Variants in NCAPG2 observed in about 807,000 individuals in gnomAD.
NCAPG2 encodes non-SMC condensin II complex subunit G2, also known as condensin-2 complex subunit G2.
A neutral mutation model predicts 141.1 loss-of-function variants in NCAPG2; 53 were observed. The ratio of observed to expected loss-of-function variants is 0.38; its 90% CI spans 0.30 to 0.47. The LOEUF (loss-of-function observed/expected upper bound fraction) is 0.47, where lower values mean the gene tolerates loss of function less well. Among genes scored for constraint, NCAPG2 ranks in the 20% least tolerant of loss-of-function variants. NCAPG2 has a pLI of 0.99. For synonymous variants in NCAPG2, 499 were observed against 490.7 expected (o/e 1.02, Z -0.22); for missense variants, 1,087 against 1,389.0 (o/e 0.78, Z 3.46).
rs1191912558 is a variant in NCAPG2 at position 158,667,372 on chromosome 7, G to GC, written c.1480-2623dup. The GC allele has an allele frequency of 1.1e-4, 9 of 83,050 alleles. 1 individual carries two copies. The highest frequency in any genetic ancestry group is 3.1e-4 in the African/African-American group (1 of 3,256). The allele number at this position is 83,050 out of a possible 1,614,324, so 5.1% of individuals were successfully genotyped here. On this transcript the variant is annotated intron_variant, in intron 13 of 27. Transcript: ENST00000356309. ...TCCTTAGCCACTACCGGATCCCTCC[G>GC]CCCCCCCTTACCCACTACTGGGTCC... is the stretch of plus-strand genomic sequence containing the variant.
At chr7:158,679,864 C>T (rs1420825066) in intron 11 of NCAPG2, 96 bp downstream of exon 11, 14 of 1,449,508 alleles carry the variant, frequency 9.7e-6, no homozygotes, top group South Asian at 2.9e-5. Flanking sequence ...AGAGCTCTGG[C>T]GGTTACAGGG....
chr7:158,664,879 A>T, intron 13 of NCAPG2, 129 bp from the exon 14 acceptor site: 4 of 692,760 alleles, frequency 5.8e-6, no homozygotes, highest in Non-Finnish European at 7.2e-6. Context: ...TTCACTTCGA[A>T]TGACTACACC....
At chr7:158,665,164 A>G (rs1832819962) in intron 13 of NCAPG2, 1 of 174,182 alleles carries the variant, frequency 5.7e-6, no homozygotes, top group African/African-American at 2.4e-5. Flanking sequence ...CTCCTATCTA[A>G]GAGGCTGGGG....
intron 22 of NCAPG2, among the ~76,000 whole-genome samples, chr7:158,653,988 G>A (rs1169856789): frequency 1.3e-5 from 2 of 152,122 alleles, no homozygotes; most frequent in Admixed American, 6.6e-5. Context: ...CAGGGGCCAG[G>A]GACCAGGGTC....
intron 25 of NCAPG2, 46 bp downstream of exon 25, chr7:158,646,414 T>TA (rs1554550869): frequency 5.6e-6 from 8 of 1,437,064 alleles, no homozygotes; most frequent in Non-Finnish European, 7.7e-6. Context: ...GCTGAGCGCT[T>TA]ACAGCCACGA....
intron 8 of NCAPG2, among the ~76,000 whole-genome samples, chr7:158,684,077 T>C (rs1405705613): frequency 1.3e-5 from 2 of 152,228 alleles, no homozygotes; most frequent in African/African-American, 4.8e-5. Context: ...TTAATACTAA[T>C]ACAAACCAGA....
intron 11 of NCAPG2, among the ~76,000 whole-genome samples, chr7:158,679,582 T>C (rs865993450): frequency 1.3e-5 from 2 of 152,178 alleles, no homozygotes; most frequent in African/African-American, 2.4e-5. Context: ...CAAAGCCACA[T>C]ACCTATTAAG....
In NCAPG2 at chr7:158,645,610, C is replaced by T; in HGVS notation, c.3189G>A (p.Leu1063=). 4.3e-6 allele frequency: 7 copies of T among 1,613,870 alleles called. No homozygotes were observed. Among genetic ancestry groups the T allele is most frequent in the Non-Finnish European group, 5.9e-6 (7 of 1,179,844 alleles). The change falls in exon 26 of 28, where the codon TTG becomes TTA. Residue 1063 remains leucine, a synonymous_variant. Transcript: ENST00000356309. ...AAGCCACACATGCCTTTAATTCATC[C>T]AAAAATGACCTGCAAAAAAATCAAC... ...IKSSNVVRSF[L]DELKACVASN...
intron 13 of NCAPG2, among the ~76,000 whole-genome samples, chr7:158,667,717 C>T (rs1402371096): frequency 1.2e-4 from 3 of 25,728 alleles, no homozygotes; most frequent in Non-Finnish European, 1.5e-4. Flanking sequence ...TGGGTCCCTC[C>T]GCCCTCCTTA....
intron 2 of NCAPG2, among the ~76,000 whole-genome samples, chr7:158,697,548 C>T (rs1835527509): frequency 6.6e-6 from 1 of 151,490 alleles, no homozygotes; most frequent in African/African-American, 2.4e-5. Flanking sequence ...TTGCAGTGAG[C>T]CAAGACGACG....
intron 27 of NCAPG2, among the ~76,000 whole-genome samples, chr7:158,639,094 G>A (rs934705836): frequency 2.0e-4 from 31 of 151,962 alleles, no homozygotes; most frequent in Admixed American, 1.8e-3. Context: ...TGTATTCCTC[G>A]ATTTAGGTGG....
At chr7:158,684,215 C>T (rs1005633188) in intron 8 of NCAPG2, among the ~76,000 whole-genome samples, 3 of 152,360 alleles carry the variant, frequency 2.0e-5, no homozygotes, top group Admixed American at 2.0e-4. Flanking sequence ...ATGAGATACA[C>T]AGCACTACCT....
chr7:158,702,049 GCAGA>G (rs1835834377), intron 1 of NCAPG2, 111 bp from the exon 2 acceptor site: 9 of 591,440 alleles, frequency 1.5e-5, no homozygotes, highest in Non-Finnish European at 2.6e-5. Context: ...ACCACGTATG[GCAGA>G]CAGTTTCTAA....
chr7:158,693,907 A>G (rs61634093), intron 2 of NCAPG2, among the ~76,000 whole-genome samples: 69,651 of 152,138 alleles, frequency 0.46, 19,049 homozygotes, highest in Non-Finnish European at 0.6. Context: ...CCAGCCAACA[A>G]GATGATTTCA....
chr7:158,695,591 C>T (rs184436070), intron 2 of NCAPG2, among the ~76,000 whole-genome samples: 5 of 152,336 alleles, frequency 3.3e-5, no homozygotes. Flanking sequence ...TTGCCTAGGG[C>T]ACTGAAGAGC....
chr7:158,693,260 G>A (rs1456925864), intron 3 of NCAPG2, 49 bp downstream of exon 3: 4 of 1,547,618 alleles, frequency 2.6e-6, no homozygotes, highest in Non-Finnish European at 3.5e-6. Flanking sequence ...GTTATTTTTT[G>A]ACAAAAAAAA....
intron 2 of NCAPG2, among the ~76,000 whole-genome samples, chr7:158,697,797 T>C (rs1327766830): frequency 2.6e-5 from 4 of 152,018 alleles, no homozygotes; most frequent in African/African-American, 9.7e-5. Context: ...TGCGGGGACA[T>C]AGATGGAGCT....
chr7:158,700,961 C>G (rs1464446331), intron 2 of NCAPG2, among the ~76,000 whole-genome samples: 1 of 152,186 alleles, frequency 6.6e-6, no homozygotes, highest in Non-Finnish European at 1.5e-5. Context: ...CATGCCCAAC[C>G]TGTCTCTAGC....
rs576910804 is a variant in NCAPG2, at chr7:158,690,682, C to A, written c.423G>T (p.Gln141His). ...YALPESERKLQSSIQDLCVTW... is the reference protein window; with the variant it reads ...YALPESERKLHSSIQDLCVTW... The stretch of plus-strand genomic sequence containing the variant: ...TAACACACAAATCCTGAATAGAACT[C>A]TGTAGTTTTCGTTCAGACTCAGGTA... The change falls in exon 5 of 28, where the codon CAG (glutamine) becomes CAT (histidine). Residue 141 changes from glutamine (Q) to histidine (H), a missense_variant. Gln to His is a conservative substitution (Grantham distance 24). Coordinates refer to ENST00000356309, the MANE Select transcript of NCAPG2 (RefSeq NM_017760.7). The A allele has an allele frequency of 6.2e-7, 1 of 1,614,104 alleles. No homozygotes were observed. The highest frequency in any genetic ancestry group is 1.3e-5 in the African/African-American group (1 of 75,042).
Sources: gnomAD v4.1 joint callset for allele counts (sites outside exome capture counted in the v4.1 genomes callset) on GRCh38, gnomAD v4.1.1 for gene constraint, MANE v1.5 for transcripts, NCBI Gene and HGNC (gene_info 2026-07-23, HGNC 2026-07-21) for gene names.